SYT1: variants seen among roughly 807,000 people sequenced by gnomAD.
SYT1 encodes the protein synaptotagmin 1.
Under a neutral mutation model 44.8 loss-of-function variants are expected in SYT1, and 8 were observed. The ratio of observed to expected loss-of-function variants is 0.18; its 90% CI spans 0.10 to 0.32. SYT1 has a LOEUF of 0.32. Among genes scored for constraint, SYT1 ranks in the 10% least tolerant of loss-of-function variants. The pLI, the probability that SYT1 is intolerant of heterozygous loss-of-function variation, is 1.00. For synonymous variants in SYT1, 154 were observed against 188.8 expected (o/e 0.82, Z 1.51); for missense variants, 286 against 509.3 (o/e 0.56, Z 4.22).
At chr12:79,446,501 C>T (rs1413524555) in intron 10 of SYT1, among the ~76,000 whole-genome samples, 1 of 152,062 alleles carries the variant, frequency 6.6e-6, no homozygotes, top group Admixed American at 6.6e-5. Context: ...TATTTAACTT[C>T]CATGTATTTA....
chr12:79,447,708 T>C (rs1239453945), intron 10 of SYT1, among the ~76,000 whole-genome samples: 1 of 152,184 alleles, frequency 6.6e-6, no homozygotes, highest in African/African-American at 2.4e-5. Context: ...TTAATTCCTT[T>C]CACAATGGAA....
intron 3 of SYT1, among the ~76,000 whole-genome samples, chr12:79,073,117 A>G (rs1267118813): frequency 6.6e-6 from 1 of 151,998 alleles, no homozygotes; most frequent in Non-Finnish European, 1.5e-5. Flanking sequence ...CTTTTTTTTA[A>G]AAAAAGACAA....
At chr12:78,915,768 T>C (rs1876617841) in intron 1 of SYT1, among the ~76,000 whole-genome samples, 1 of 152,042 alleles carries the variant, frequency 6.6e-6, no homozygotes, top group Non-Finnish European at 1.5e-5. Context: ...TACATTGATA[T>C]TTAAAATGAC....
chr12:78,978,655 T>A (rs1385542293), intron 2 of SYT1, among the ~76,000 whole-genome samples: 5 of 152,202 alleles, frequency 3.3e-5, no homozygotes, highest in African/African-American at 1.2e-4. Flanking sequence ...GAAGTAAACG[T>A]GAGGTGATTA....
At chr12:79,280,045 A>G (rs1376921749) in intron 4 of SYT1, among the ~76,000 whole-genome samples, 2 of 152,142 alleles carry the variant, frequency 1.3e-5, no homozygotes, top group African/African-American at 4.8e-5. Context: ...AAGAATCAAT[A>G]TTGTGAAAAT....
chr12:78,921,969 C>T (rs1979365), intron 1 of SYT1, among the ~76,000 whole-genome samples: 27,399 of 149,522 alleles, frequency 0.18, 3,091 homozygotes, highest in East Asian at 0.51. Context: ...AAATTATATG[C>T]TTAAATCAAA....
Position 79,336,523 on chromosome 12 carries a change from T to A in SYT1, c.811-16979T>A, listed in dbSNP as rs73352982. On this transcript the variant is annotated intron_variant, in intron 8 of 10. Coordinates refer to ENST00000261205, the MANE Select transcript of SYT1 (RefSeq NM_005639.3). ...TGCCTTTTTTTGTGTCTTCTCTCCT[T>A]TTTTAAGTGTCCCATTTGCATTTGC... Among the ~76,000 whole-genome samples the A allele has an allele frequency of 6.6e-3, 1,007 of 152,262 alleles. 9 individuals are homozygous for A. Among genetic ancestry groups the A allele is most frequent in the African/African-American group, 0.023 (955 of 41,542 alleles).
rs943368208 is a variant in SYT1, at chr12:79,088,588, G to A, written c.-18+41226G>A. Among the ~76,000 whole-genome samples the A allele has an allele frequency of 1.8e-4, 28 of 151,992 alleles. 1 individual carries two copies. The highest frequency in any genetic ancestry group is 4.4e-5 in the Non-Finnish European group (3 of 67,990). On this transcript the variant is annotated intron_variant, in intron 3 of 10. Coordinates refer to ENST00000261205, the MANE Select transcript of SYT1 (RefSeq NM_005639.3). ...GATTACAGAGGGATTTATAAGCCAT[G>A]GTGAGACTTCAAAATTTTAAGCCAA...
chr12:78,891,782 G>C (rs1388187384), intron 1 of SYT1, among the ~76,000 whole-genome samples: 1 of 151,872 alleles, frequency 6.6e-6, no homozygotes, highest in African/African-American at 2.4e-5. Flanking sequence ...GATCTGTGAA[G>C]TAGTCTTCCC....
Position 79,299,394 on chromosome 12 carries a change from C to T in SYT1, c.653C>T (p.Ser218Leu). 1 of 1,612,822 alleles carries T rather than the reference C, an allele frequency of 6.2e-7. No individual in the cohort carries two copies. Among genetic ancestry groups the T allele is most frequent in the Non-Finnish European group, 8.5e-7 (1 of 1,179,324 alleles). The change falls in exon 8 of 11, where the codon TCG becomes TTG. Residue 218 changes from serine (S) to leucine (L), a missense_variant. Physicochemically the swap from Ser to Leu is moderately radical, Grantham distance 145 (BLOSUM62 -2). This residue lies in a region of SYT1 where 81 missense variants were observed against 164.9 expected (regional missense o/e 0.49). Coordinates refer to ENST00000261205, the MANE Select transcript of SYT1 (RefSeq NM_005639.3). ...TGTCTTTTAATTTAGGTACCATACTCGGAATTGGGTGGCAAAACCCTAGTG... is the reference window on the plus strand; with the variant it reads ...TGTCTTTTAATTTAGGTACCATACTTGGAATTGGGTGGCAAAACCCTAGTG... ...NEQFTFKVPYSELGGKTLVMA... is the reference protein window; with the variant it reads ...NEQFTFKVPYLELGGKTLVMA...
intron 2 of SYT1, among the ~76,000 whole-genome samples, chr12:78,986,920 A>G (rs1869680797): frequency 1.3e-5 from 2 of 152,044 alleles, no homozygotes; most frequent in South Asian, 4.1e-4. Flanking sequence ...GATATCTCTT[A>G]TTAAAGATAG....
At position 79,154,591 on chromosome 12, in the gene SYT1, C is replaced by T. The variant is rs148871937; in HGVS notation, c.-17-62912C>T. Among the ~76,000 whole-genome samples, 53 of 152,122 alleles carry T rather than the reference C, an allele frequency of 3.5e-4. No homozygotes were observed. In the East Asian group the frequency reaches 8.7e-3, roughly 25 times the overall value. The stretch of plus-strand genomic sequence containing the variant: ...AGCAAAACATTGAATTCAATGATTA[C>T]TTACATTTTGATGAGAAGCAGGAAA... On this transcript the variant is annotated intron_variant, in intron 3 of 10. Coordinates refer to ENST00000261205, the MANE Select transcript of SYT1 (RefSeq NM_005639.3).
chr12:79,300,668 G>A (rs1880091975), intron 8 of SYT1, among the ~76,000 whole-genome samples: 1 of 151,666 alleles, frequency 6.6e-6, no homozygotes, highest in East Asian at 1.9e-4. Context: ...TTTACAAAAT[G>A]AGTCAAAAAT....
chr12:79,087,736 G>A (rs1444701820), intron 3 of SYT1, among the ~76,000 whole-genome samples: 1 of 152,122 alleles, frequency 6.6e-6, no homozygotes, highest in Non-Finnish European at 1.5e-5. Context: ...ATGAAAAGGA[G>A]TAAAATAGTG....
At chr12:79,443,938 G>T (rs541260297) in intron 9 of SYT1, 135 bp from the exon 10 acceptor site, 27 of 915,380 alleles carry the variant, frequency 2.9e-5, no homozygotes, top group Non-Finnish European at 4.0e-5. Context: ...CAATAAAAAA[G>T]TATTGAATTT....
chr12:78,985,616 T>C (rs1869586585), intron 2 of SYT1, among the ~76,000 whole-genome samples: 1 of 151,902 alleles, frequency 6.6e-6, no homozygotes, highest in African/African-American at 2.4e-5. Context: ...GAAGACGTGA[T>C]AACAAATTCT....
intron 9 of SYT1, among the ~76,000 whole-genome samples, chr12:79,427,898 T>C (rs942478676): frequency 2.0e-5 from 3 of 152,212 alleles, no homozygotes; most frequent in African/African-American, 7.2e-5. Context: ...TAACTTATGG[T>C]ATAATTACTG....
chr12:79,423,447 G>A (rs1029083204), intron 9 of SYT1, among the ~76,000 whole-genome samples: 3 of 152,074 alleles, frequency 2.0e-5, no homozygotes, highest in Non-Finnish European at 2.9e-5. Flanking sequence ...GAGTCTGCAA[G>A]TATAAGACAG....
intron 3 of SYT1, among the ~76,000 whole-genome samples, chr12:79,200,419 A>C (rs1447044031): frequency 6.6e-6 from 1 of 152,092 alleles, no homozygotes; most frequent in Non-Finnish European, 1.5e-5. Flanking sequence ...GTTCACATAG[A>C]GGTACTTAGA....
Sources: allele counts gnomAD v4.1 joint callset (sites outside exome capture counted in the v4.1 genomes callset), GRCh38; gene constraint gnomAD v4.1.1; regional missense constraint gnomAD v4.1.1; transcripts MANE v1.5; gene names NCBI Gene and HGNC (gene_info 2026-07-23, HGNC 2026-07-21).